The following PRKN variants were observed in gnomAD, a reference collection of about 807,000 sequenced individuals.
The protein encoded by PRKN is E3 ubiquitin-protein ligase parkin.
A neutral mutation model predicts 59.5 loss-of-function variants in PRKN; 56 were observed. That is an observed-to-expected ratio of 0.94 (90% CI 0.76 to 1.18). PRKN has a LOEUF of 1.18. Among genes scored for constraint, PRKN ranks in the 50% most tolerant of loss-of-function variants. The pLI, the probability that PRKN is intolerant of heterozygous loss-of-function variation, is 0.00. For missense variants in PRKN, 657 were observed against 596.4 expected, an observed-to-expected ratio of 1.10 and a Z score of -1.06; for synonymous variants, 250 against 222.1, an observed-to-expected ratio of 1.13 and a Z score of -1.12.
rs537507747 is a variant in PRKN, at chr6:161,592,143, G to A, written c.872-22727C>T. 1.9e-4 allele frequency among the ~76,000 whole-genome samples: 29 copies of A among 152,000 alleles called. No homozygotes were observed. In the South Asian group the frequency reaches 4.8e-3, roughly 25 times the overall value. On this transcript the variant is annotated intron_variant, in intron 7 of 11. Coordinates refer to ENST00000366898, the MANE Select transcript of PRKN (RefSeq NM_004562.3). The surrounding 1 kb of genome is among the most constrained non-coding windows in gnomAD (Gnocchi z 4.8). Reference sequence around the variant, plus strand: ...CAATTTTATTTGTATTATTTTTATCGTTGTGTCATTTTTTATGTTCATTTT... The same window carrying A: ...CAATTTTATTTGTATTATTTTTATCATTGTGTCATTTTTTATGTTCATTTT...
chr6:162,012,094 T>C (rs886953277), intron 5 of PRKN, among the ~76,000 whole-genome samples: 1 of 152,168 alleles, frequency 6.6e-6, no homozygotes, highest in Non-Finnish European at 1.5e-5. Context: ...GTGGGTACTT[T>C]CCTTTGATCA....
At chr6:162,591,379 C>T (rs935623632) in intron 1 of PRKN, among the ~76,000 whole-genome samples, 10 of 151,888 alleles carry the variant, frequency 6.6e-5, no homozygotes, top group East Asian at 1.9e-4. Context: ...AAATTTTTCA[C>T]GGATACATAA....
At chr6:162,528,214 T>C (rs2846500) in intron 1 of PRKN, among the ~76,000 whole-genome samples, 55,004 of 150,842 alleles carry the variant, frequency 0.36, 11,498 homozygotes, top group Middle Eastern at 0.51. Context: ...CCCAGCTACT[T>C]GGGAGGCTGA....
intron 1 of PRKN, among the ~76,000 whole-genome samples, chr6:162,722,472 C>T (rs1445651111): frequency 6.6e-6 from 1 of 152,076 alleles, no homozygotes; most frequent in African/African-American, 2.4e-5. Context: ...GGAGAGAAAC[C>T]ATTCAGATTA....
At chr6:161,944,448 A>ATT (rs71689522) in intron 6 of PRKN, among the ~76,000 whole-genome samples, 1 of 150,158 alleles carries the variant, frequency 6.7e-6, no homozygotes, top group South Asian at 2.1e-4. Context: ...CCCCATCACC[A>ATT]TTTTTTTTTC....
chr6:162,281,473 A>T (rs1780906931), intron 2 of PRKN, among the ~76,000 whole-genome samples: 1 of 152,162 alleles, frequency 6.6e-6, no homozygotes, highest in African/African-American at 2.4e-5. Context: ...TTAGGATGAA[A>T]AATTGTATGT....
chr6:162,567,594 A>G (rs1459079797), intron 1 of PRKN, among the ~76,000 whole-genome samples: 1 of 145,142 alleles, frequency 6.9e-6, no homozygotes, highest in African/African-American at 2.7e-5. Flanking sequence ...TGAAAACTAT[A>G]AAACACTAAT....
At chr6:161,924,493 A>T (rs2128239584) in intron 6 of PRKN, among the ~76,000 whole-genome samples, 1 of 152,346 alleles carries the variant, frequency 6.6e-6, no homozygotes, top group African/African-American at 2.4e-5. Flanking sequence ...ACACAGCAAG[A>T]TTTTAATAAC....
intron 6 of PRKN, among the ~76,000 whole-genome samples, chr6:161,954,769 A>T (rs1780109798): frequency 6.6e-6 from 1 of 152,220 alleles, no homozygotes; most frequent in African/African-American, 2.4e-5. Flanking sequence ...TTGGTTCTGG[A>T]AAATGACTTT....
chr6:162,183,792 T>C (rs1221795857), intron 4 of PRKN, among the ~76,000 whole-genome samples: 3 of 152,156 alleles, frequency 2.0e-5, no homozygotes, highest in Admixed American at 1.3e-4. Flanking sequence ...CGCCCCTCGA[T>C]CCCTACCATA....
intron 1 of PRKN, among the ~76,000 whole-genome samples, chr6:162,628,421 A>T (rs946094260): frequency 2.0e-5 from 3 of 152,280 alleles, no homozygotes; most frequent in Middle Eastern, 6.8e-3. Context: ...TTTGCTGTAC[A>T]CTTTCAGATG....
Position 161,399,645 on chromosome 6 carries a change from G to A in PRKN, c.1084-12768C>T, listed in dbSNP as rs746285731. ...CCCGTTTCAGCAGTAAGAAGAGGAA[G>A]GTGAACTGGGACCAATGGAGTTTGC... On this transcript the variant is annotated intron_variant, in intron 9 of 11. Transcript: ENST00000366898. This position sits in a 1 kb window ranked among gnomAD's most constrained non-coding sequence, Gnocchi z 4.4. Among the ~76,000 whole-genome samples, 1 of 152,138 alleles carries A rather than the reference G, an allele frequency of 6.6e-6. No homozygotes were observed. The highest frequency in any genetic ancestry group is 1.5e-5 in the Non-Finnish European group (1 of 68,028).
intron 5 of PRKN, among the ~76,000 whole-genome samples, chr6:161,984,859 C>G (rs1213186585): frequency 6.6e-6 from 1 of 152,198 alleles, no homozygotes; most frequent in Non-Finnish European, 1.5e-5. Context: ...CCACGCTGCA[C>G]AGCCTCCCTG....
At chr6:161,595,872 T>C (rs1481321481) in intron 7 of PRKN, among the ~76,000 whole-genome samples, 1 of 152,208 alleles carries the variant, frequency 6.6e-6, no homozygotes, top group Non-Finnish European at 1.5e-5. Flanking sequence ...AGAACATTCC[T>C]GGGTCACTTC....
intron 1 of PRKN, among the ~76,000 whole-genome samples, chr6:162,622,303 GTT>G (rs1491538382): frequency 7.8e-6 from 1 of 127,848 alleles, no homozygotes; most frequent in East Asian, 5.8e-4. Flanking sequence ...TTTTTTTTTT[GTT>G]TTGTTTTTTT....
At chr6:162,192,997 C>T (rs1295576851) in intron 4 of PRKN, among the ~76,000 whole-genome samples, 1 of 152,114 alleles carries the variant, frequency 6.6e-6, no homozygotes. Flanking sequence ...TTTTCTGTCT[C>T]CCTTTTTCTT....
chr6:162,379,916 C>T (rs117944720), intron 2 of PRKN, among the ~76,000 whole-genome samples: 4,127 of 152,128 alleles, frequency 0.027, 111 homozygotes, highest in Middle Eastern at 0.048. Context: ...GGTTGAATTC[C>T]GAGGTGAACC....
intron 1 of PRKN, among the ~76,000 whole-genome samples, chr6:162,482,636 A>G (rs527318372): frequency 1.4e-3 from 211 of 152,354 alleles, no homozygotes; most frequent in African/African-American, 4.6e-3. Flanking sequence ...TAAAGCCTTC[A>G]TATTAAAAAC....
Position 161,352,259 on chromosome 6 carries a change from A to G in PRKN, c.1286-2048T>C, listed in dbSNP as rs1173116447. Among the ~76,000 whole-genome samples the G allele has an allele frequency of 6.6e-6, 1 of 152,202 alleles. No homozygotes were observed. Among genetic ancestry groups the G allele is most frequent in the Non-Finnish European group, 1.5e-5 (1 of 68,040 alleles). ...CTGGCATGAGAACTTTCACTAATTT[A>G]AAATATTTATGAATATATAGGAATA... On this transcript the variant is annotated intron_variant, in intron 11 of 11. Transcript: ENST00000366898. This position sits in a 1 kb window ranked among gnomAD's most constrained non-coding sequence, Gnocchi z 5.8.
Sources: allele counts gnomAD v4.1 joint callset (sites outside exome capture counted in the v4.1 genomes callset), GRCh38; gene constraint gnomAD v4.1.1; non-coding constraint Gnocchi (gnomAD v3.1); transcripts MANE v1.5; gene names NCBI Gene and HGNC (gene_info 2026-07-23, HGNC 2026-07-21).